OFD1: variants seen among roughly 807,000 people sequenced by gnomAD.
OFD1 encodes the protein OFD1 centriole and centriolar satellite protein.
In OFD1, 12 loss-of-function variants were observed where a neutral mutation model predicts 81.4. The ratio of observed to expected loss-of-function variants is 0.15; its 90% CI spans 0.09 to 0.24. The LOEUF is 0.24. OFD1 is among the 10% of genes least tolerant of loss of function. OFD1 has a pLI of 1.00. For missense variants in OFD1, 685 were observed against 733.9 expected (o/e 0.93, Z 0.77); for synonymous variants, 256 against 263.7 (o/e 0.97, Z 0.28).
At chrX:13,759,921 C>A (rs765687076) in intron 15 of OFD1, among the ~76,000 whole-genome samples, 194 bp from the exon 16 acceptor site, 130 of 112,369 alleles carry the variant, frequency 1.2e-3, no homozygotes, top group Non-Finnish European at 2.0e-3. Flanking sequence ...TTACAAAAGA[C>A]ATACAAAGCT....
At chrX:13,739,721 C>A in intron 5 of OFD1, 1 of 498,832 alleles carries the variant, frequency 2.0e-6, no homozygotes, top group Non-Finnish European at 2.5e-6. Flanking sequence ...GCACTCCTGC[C>A]TGGGCAACAA....
At position 13,762,260 on chromosome X, in the gene OFD1, T is replaced by G. The variant is rs895034392; in HGVS notation, c.2388-84T>G. ...AAAGGGAATTTTGTAGAGCCTTTTC[T>G]TGAGTCACAAAAGGCTTTTTGTCAC... On this transcript the variant is annotated intron_variant, in intron 17 of 22. Coordinates refer to ENST00000340096, the MANE Select transcript of OFD1 (RefSeq NM_003611.3). The G allele has an allele frequency of 4.9e-6, 3 of 609,282 alleles. No individual in the cohort carries two copies. In the South Asian group the frequency reaches 7.0e-5, roughly 14 times the overall value. The allele number at this position is 609,282 out of a possible 1,213,427, so 50.2% of individuals were successfully genotyped here.
At chrX:13,741,656 G>A (rs2047109748) in intron 5 of OFD1, among the ~76,000 whole-genome samples, 1 of 112,278 alleles carries the variant, frequency 8.9e-6, no homozygotes, top group Admixed American at 9.5e-5. Flanking sequence ...AGTGGGTTGA[G>A]TCCGAAAAGA....
At chrX:13,719,853 A>C in the OFD1 span, 1 of 1,103,422 alleles carries the variant, frequency 9.1e-7, no homozygotes, top group Non-Finnish European at 1.2e-6. Flanking sequence ...TTACAATAGC[A>C]TAAAAATTCT....
chrX:13,739,941 T>C (rs2047025462), intron 5 of OFD1: 1 of 869,099 alleles, frequency 1.2e-6, no homozygotes, highest in Non-Finnish European at 1.4e-6. Flanking sequence ...TTTAAAATAA[T>C]CTGTTAGTAA....
the OFD1 span, among the ~76,000 whole-genome samples, chrX:13,728,856 G>A: frequency 8.9e-6 from 1 of 111,774 alleles, no homozygotes; most frequent in Non-Finnish European, 1.9e-5. Context: ...AAAACCCCAT[G>A]GTCTCAGTCC....
In OFD1 at chrX:13,736,522, A is replaced by T. The variant is rs779489279; in HGVS notation, c.156A>T (p.Val52=). ...NQLIHELMHP[V]LSGELQPRSI... ...TAATTCATGAGTTGATGCACCCTGTATTGAGTGGAGAACTGCAGCCTCGGT... is the reference window on the plus strand; with the variant it reads ...TAATTCATGAGTTGATGCACCCTGTTTTGAGTGGAGAACTGCAGCCTCGGT... Residue 52 remains valine, a synonymous_variant, in exon 3 of 23, where the codon GTA becomes GTT. Transcript: ENST00000340096. 1.7e-6 allele frequency: 2 copies of T among 1,211,172 alleles called. No homozygotes were observed. The highest frequency in any genetic ancestry group is 1.7e-5 in the African/African-American group (1 of 57,743).
intron 19 of OFD1, among the ~76,000 whole-genome samples, chrX:13,764,186 A>T (rs1037447290): frequency 1.8e-5 from 2 of 112,430 alleles, no homozygotes; most frequent in African/African-American, 6.5e-5. Context: ...TCTTCTGCAA[A>T]AACTGTTCCT....
chrX:13,766,469 C>T (rs2048132836), intron 19 of OFD1, among the ~76,000 whole-genome samples: 1 of 111,314 alleles, frequency 9.0e-6, no homozygotes, highest in African/African-American at 3.3e-5. Flanking sequence ...TTTCCACATG[C>T]GGATGGCAAG....
At chrX:13,761,680 C>G (rs1602911133) in intron 17 of OFD1, among the ~76,000 whole-genome samples, 1 of 111,711 alleles carries the variant, frequency 9.0e-6, no homozygotes, top group South Asian at 3.7e-4. Flanking sequence ...TAAATTCAAA[C>G]GTGGTAGCAG....
chrX:13,765,564 A>G (rs1295395058), intron 19 of OFD1, among the ~76,000 whole-genome samples: 1 of 111,349 alleles, frequency 9.0e-6, no homozygotes, highest in Non-Finnish European at 1.9e-5. Flanking sequence ...CTCTCCTATT[A>G]GTAAAACTCA....
intron 16 of OFD1, 46 bp from the exon 17 acceptor site, chrX:13,761,039 C>G (rs753697595): frequency 8.3e-7 from 1 of 1,206,420 alleles, no homozygotes. Context: ...GGTATCTTCT[C>G]CGTGCAATTG....
chrX:13,725,952 C>T, the OFD1 span, among the ~76,000 whole-genome samples: 2 of 111,853 alleles, frequency 1.8e-5, no homozygotes, highest in Admixed American at 1.9e-4. Context: ...ACAAGAACTT[C>T]ATGATGCATA....
chrX:13,742,878 C>A (rs140245046), intron 5 of OFD1, among the ~76,000 whole-genome samples: 6 of 111,343 alleles, frequency 5.4e-5, no homozygotes, highest in South Asian at 3.8e-4. Flanking sequence ...TAGAGCTTTA[C>A]GTCATCAAGA....
chrX:13,773,469 AAT>A (rs1569177558), downstream of OFD1: 1 of 113,529 alleles, frequency 8.8e-6, no homozygotes, highest in Admixed American at 9.5e-5. Context: ...AAGCATGAAC[AAT>A]GTTTATTTTG....
In OFD1 at chrX:13,755,200, G is replaced by C. The variant is rs2047655130; in HGVS notation, c.1179G>C (p.Lys393Asn). 2 of 1,206,734 alleles carry C rather than the reference G, an allele frequency of 1.7e-6. No homozygotes were observed. Among genetic ancestry groups the C allele is most frequent in the East Asian group, 5.9e-5 (2 of 33,840 alleles). Residue 393 changes from lysine to asparagine, a missense_variant, in exon 12 of 23, where the codon AAG becomes AAC. By Grantham distance (94) the Lys-to-Asn change is moderately conservative (BLOSUM62 0). Around this residue, in one of 3 missense-constraint regions of OFD1, gnomAD observed 414 missense variants for 447.2 expected, o/e 0.93. Transcript: ENST00000340096. ...AGCTCATAGCTATTAATTCAAAAAAGGAGGAACTCAATCAATCTGTAAATC... is the reference window on the plus strand; with the variant it reads ...AGCTCATAGCTATTAATTCAAAAAACGAGGAACTCAATCAATCTGTAAATC... ...QEELIAINSK[K>N]EELNQSVNRV...
chrX:13,725,729 A>G, the OFD1 span, among the ~76,000 whole-genome samples: 1 of 112,584 alleles, frequency 8.9e-6, no homozygotes, highest in Non-Finnish European at 1.9e-5. Flanking sequence ...CCTCGCCAGC[A>G]ATGGAACAAA....
intron 21 of OFD1, 39 bp downstream of exon 21, chrX:13,768,263 A>G (rs1464848858): frequency 1.9e-6 from 2 of 1,038,700 alleles, no homozygotes; most frequent in South Asian, 3.8e-5. Flanking sequence ...TGGGTGGGGG[A>G]CATCCAGGGC....
chrX:13,740,036 T>G, intron 5 of OFD1: 3 of 929,870 alleles, frequency 3.2e-6, no homozygotes, highest in Non-Finnish European at 4.1e-6. Context: ...ATTCATCCAT[T>G]CATTCGCCAA....
Sources: gnomAD v4.1 joint callset for allele counts (sites outside exome capture counted in the v4.1 genomes callset) on GRCh38, gnomAD v4.1.1 for gene constraint, gnomAD v4.1.1 regional missense constraint, MANE v1.5 for transcripts, NCBI Gene and HGNC (gene_info 2026-07-23, HGNC 2026-07-21) for gene names.